Variants in RAP1GAP observed in about 807,000 individuals in gnomAD.
RAP1GAP encodes the protein rap1 GTPase-activating protein 1.
In RAP1GAP, 35 loss-of-function variants were observed where a neutral mutation model predicts 87.2. The ratio of observed to expected loss-of-function variants is 0.40; its 90% CI spans 0.31 to 0.53. The LOEUF is 0.53. Ranked by LOEUF, RAP1GAP falls within the 20% of genes least tolerant of loss-of-function variation. RAP1GAP has a pLI of 0.48. For synonymous variants in RAP1GAP, 375 were observed against 363.9 expected, an observed-to-expected ratio of 1.03 and a Z score of -0.35; for missense variants, 734 against 898.9, an observed-to-expected ratio of 0.82 and a Z score of 2.35.
intron 17 of RAP1GAP, among the ~76,000 whole-genome samples, chr1:21,607,985 C>A (rs889784834): frequency 1.3e-5 from 2 of 151,916 alleles, no homozygotes; most frequent in Non-Finnish European, 2.9e-5. Context: ...CAGCCCCAGT[C>A]CGGGACTTCG....
At chr1:21,650,448 G>A (rs1177131307) in intron 1 of RAP1GAP, among the ~76,000 whole-genome samples, 4 of 151,998 alleles carry the variant, frequency 2.6e-5, no homozygotes, top group Admixed American at 6.5e-5. Flanking sequence ...CTCCCGCCCC[G>A]CCCAGATTCT....
intron 1 of RAP1GAP, among the ~76,000 whole-genome samples, chr1:21,664,532 G>A (rs1377454480): frequency 1.3e-5 from 2 of 152,106 alleles, no homozygotes; most frequent in Non-Finnish European, 2.9e-5. Context: ...AGCTGGTCTC[G>A]CCTCCAGGAG....
chr1:21,656,717 C>T (rs1306606064), intron 1 of RAP1GAP, among the ~76,000 whole-genome samples: 3 of 152,200 alleles, frequency 2.0e-5, no homozygotes, highest in Non-Finnish European at 2.9e-5. Flanking sequence ...GAGACTCCTG[C>T]TCTATTCAAT....
intron 1 of RAP1GAP, among the ~76,000 whole-genome samples, chr1:21,661,118 G>T (rs559975561): frequency 1.3e-5 from 2 of 152,246 alleles, no homozygotes; most frequent in East Asian, 1.9e-4. Flanking sequence ...TGGGCGTAGT[G>T]GTGCATGCCT....
chr1:21,637,340 A>G lies in RAP1GAP; in HGVS notation c.-112-10943T>C, dbSNP rs2094923314. Among the ~76,000 whole-genome samples the G allele has an allele frequency of 2.7e-5, 4 of 149,176 alleles. No individual in the cohort carries two copies. The South Asian group carries it at 8.5e-4, about 32-fold the overall frequency. On this transcript the variant is annotated intron_variant, in intron 2 of 24. Transcript: ENST00000374765. ...TCCGGCTAATTTTTTTTTTTTGTAG[A>G]GACAGGGTTTCACCATGTTGCCCAA...
intron 2 of RAP1GAP, among the ~76,000 whole-genome samples, chr1:21,640,204 G>A (rs1022716063): frequency 9.9e-5 from 15 of 151,916 alleles, no homozygotes; most frequent in Non-Finnish European, 1.3e-4. Context: ...CCCCCTTCCC[G>A]TCCGCTTGGA....
intron 1 of RAP1GAP, among the ~76,000 whole-genome samples, chr1:21,667,447 C>T (rs1439997046): frequency 6.6e-6 from 1 of 152,208 alleles, no homozygotes; most frequent in African/African-American, 2.4e-5. Context: ...GAGGGCTTTG[C>T]CCAAGCAAGC....
chr1:21,601,813 G>A lies in RAP1GAP; in HGVS notation c.1539-16C>T. 1.3e-6 allele frequency: 2 copies of A among 1,553,894 alleles called. No homozygotes were observed. Among genetic ancestry groups the A allele is most frequent in the Non-Finnish European group, 1.8e-6 (2 of 1,141,572 alleles). On this transcript the variant is annotated splice_polypyrimidine_tract_variant and intron_variant, in intron 19 of 24. Coordinates refer to ENST00000374765, the MANE Select transcript of RAP1GAP (RefSeq NM_002885.4). Reference sequence around the variant, plus strand: ...AGGGCTCTCCCTGCGGGGCACACGGGGGCAGCGGGGGGATTCAGCACCAGG... The same window carrying A: ...AGGGCTCTCCCTGCGGGGCACACGGAGGCAGCGGGGGGATTCAGCACCAGG...
At chr1:21,631,113 C>T (rs1422448955) in intron 2 of RAP1GAP, among the ~76,000 whole-genome samples, 1 of 152,222 alleles carries the variant, frequency 6.6e-6, no homozygotes, top group African/African-American at 2.4e-5. Flanking sequence ...ACCCTGGTCT[C>T]CTCCTGGTCT....
At chr1:21,601,581 T>C in intron 20 of RAP1GAP, 103 bp downstream of exon 20, 3 of 775,962 alleles carry the variant, frequency 3.9e-6, no homozygotes, top group Non-Finnish European at 5.8e-6. Flanking sequence ...CACCCTGCTG[T>C]GGCACAGTCA....
At chr1:21,643,622 C>A (rs564528841) in intron 2 of RAP1GAP, among the ~76,000 whole-genome samples, 16 of 152,206 alleles carry the variant, frequency 1.1e-4, no homozygotes, top group African/African-American at 3.6e-4. Flanking sequence ...CTACTCACCC[C>A]CTGTGGCCAC....
intron 1 of RAP1GAP, chr1:21,665,241 T>G (rs758524676): frequency 1.9e-6 from 1 of 517,490 alleles, no homozygotes; most frequent in South Asian, 1.4e-5. Context: ...AGTGGCAATG[T>G]CAGAATTCGA....
At chr1:21,642,296 G>A (rs745374038) in intron 2 of RAP1GAP, among the ~76,000 whole-genome samples, 7 of 152,270 alleles carry the variant, frequency 4.6e-5, no homozygotes, top group Non-Finnish European at 7.3e-5. Context: ...AACCATGACC[G>A]CGATGATGGC....
chr1:21,601,906 A>C, intron 19 of RAP1GAP, 109 bp from the exon 20 acceptor site: 1 of 689,696 alleles, frequency 1.4e-6, no homozygotes, highest in Non-Finnish European at 2.3e-6. Context: ...CCTCATACCC[A>C]CGCCCCTATA....
chr1:21,650,134 G>A (rs2096444807), intron 1 of RAP1GAP, among the ~76,000 whole-genome samples: 2 of 152,016 alleles, frequency 1.3e-5, no homozygotes, highest in Non-Finnish European at 2.9e-5. Context: ...AGGATGTAGG[G>A]GTGCGGCTGG....
In RAP1GAP at chr1:21,622,759, C is replaced by T. The variant is rs919700089; in HGVS notation, c.-18-2709G>A. 2.6e-5 allele frequency among the ~76,000 whole-genome samples: 4 copies of T among 151,890 alleles called. No homozygotes were observed. The highest frequency in any genetic ancestry group is 4.4e-5 in the Non-Finnish European group (3 of 67,936). ...CCCCGAGGGGGCCCCCCACTCGGTT[C>T]TCCCCAGCGCGCCCCCACCTCACTT... On this transcript the variant is annotated intron_variant, in intron 3 of 24. Coordinates refer to ENST00000374765, the MANE Select transcript of RAP1GAP (RefSeq NM_002885.4). This position sits in a 1 kb window ranked among gnomAD's most constrained non-coding sequence, Gnocchi z 5.7.
intron 20 of RAP1GAP, 100 bp from the exon 21 acceptor site, chr1:21,599,717 T>G: frequency 3.0e-4 from 425 of 1,421,608 alleles, no homozygotes; most frequent in Non-Finnish European, 3.5e-4. Context: ...GCCCAGCTGG[T>G]AGCAGCCAAG....
chr1:21,648,147 G>T (rs1480175088), intron 2 of RAP1GAP, among the ~76,000 whole-genome samples: 1 of 152,186 alleles, frequency 6.6e-6, no homozygotes, highest in African/African-American at 2.4e-5. Context: ...TTGGGTAATG[G>T]GGCGTGTCCT....
At chr1:21,608,121 C>A in intron 17 of RAP1GAP, 92 bp downstream of exon 17, 1 of 1,536,064 alleles carries the variant, frequency 6.5e-7, no homozygotes, top group East Asian at 2.3e-5. Context: ...ACTCCACCCC[C>A]ACGCCGTGTC....
Sources: allele counts gnomAD v4.1 joint callset (sites outside exome capture counted in the v4.1 genomes callset), GRCh38; gene constraint gnomAD v4.1.1; non-coding constraint Gnocchi (gnomAD v3.1); transcripts MANE v1.5; gene names NCBI Gene and HGNC (gene_info 2026-07-23, HGNC 2026-07-21).